The following SH3RF3 variants were observed in gnomAD, a reference collection of about 807,000 sequenced individuals.
SH3RF3 encodes E3 ubiquitin-protein ligase SH3RF3.
SH3RF3 carries 29 observed loss-of-function variants against 66.3 expected under a neutral mutation model. That is an observed-to-expected ratio of 0.44 (90% CI 0.33 to 0.60). SH3RF3 has a LOEUF of 0.60. Ranked by LOEUF, SH3RF3 falls within the 20% of genes least tolerant of loss-of-function variation. SH3RF3 has a pLI of 0.04. For synonymous variants in SH3RF3, 583 were observed against 532.0 expected, an observed-to-expected ratio of 1.10 and a Z score of -1.32; for missense variants, 1,194 against 1,190.9, an observed-to-expected ratio of 1.00 and a Z score of -0.04.
chr2:109,437,574 C>T (rs563932525), intron 7 of SH3RF3, among the ~76,000 whole-genome samples: 8 of 152,332 alleles, frequency 5.3e-5, no homozygotes, highest in East Asian at 1.9e-4. Flanking sequence ...TTCCATCTGC[C>T]GGGCCCTGCA....
At chr2:109,320,610 G>C (rs1681999688) in intron 1 of SH3RF3, among the ~76,000 whole-genome samples, 1 of 152,146 alleles carries the variant, frequency 6.6e-6, no homozygotes, top group African/African-American at 2.4e-5. Context: ...CTGCTTACTA[G>C]GTCACCAAAA....
chr2:109,182,534 A>T (rs771245943), intron 1 of SH3RF3, among the ~76,000 whole-genome samples: 1 of 152,174 alleles, frequency 6.6e-6, no homozygotes, highest in Non-Finnish European at 1.5e-5. Flanking sequence ...TTCTTCCTGG[A>T]TGTGCTTGGG....
At position 109,341,606 on chromosome 2, in the gene SH3RF3, C is replaced by T. The variant is rs189108700; in HGVS notation, c.574-6068C>T. Among the ~76,000 whole-genome samples the T allele has an allele frequency of 1.7e-3, 266 of 152,290 alleles. 1 individual carries two copies. The highest frequency in any genetic ancestry group is 5.3e-3 in the African/African-American group (221 of 41,578). Reference sequence around the variant, plus strand: ...GTTGGCTCAGATAAGATCAAGTTTCCTTTTTCTTACTTCATGGTATGGGGG... The same window carrying T: ...GTTGGCTCAGATAAGATCAAGTTTCTTTTTTCTTACTTCATGGTATGGGGG... On this transcript the variant is annotated intron_variant, in intron 1 of 9. Transcript: ENST00000309415.
intron 7 of SH3RF3, 37 bp downstream of exon 7, chr2:109,437,183 C>T: frequency 6.4e-7 from 1 of 1,572,282 alleles, no homozygotes; most frequent in East Asian, 2.3e-5. Context: ...AGGGCATCAA[C>T]AAGGGGGCTT....
chr2:109,335,825 A>T (rs1300824368), intron 1 of SH3RF3, among the ~76,000 whole-genome samples: 1 of 152,216 alleles, frequency 6.6e-6, no homozygotes, highest in African/African-American at 2.4e-5. Flanking sequence ...TGTAGAGAGG[A>T]TAAGAATGAA....
intron 1 of SH3RF3, among the ~76,000 whole-genome samples, chr2:109,325,379 T>G (rs1682130228): frequency 7.6e-6 from 1 of 131,706 alleles, no homozygotes; most frequent in Non-Finnish European, 1.6e-5. Flanking sequence ...TCTTGCTCTG[T>G]CACTCAGGCT....
At chr2:109,393,655 G>A (rs1254262645) in intron 3 of SH3RF3, among the ~76,000 whole-genome samples, 2 of 152,056 alleles carry the variant, frequency 1.3e-5, no homozygotes, top group East Asian at 3.9e-4. Context: ...CCACCAAGAT[G>A]TGGGTTTCAG....
chr2:109,333,270 C>T (rs566141811), intron 1 of SH3RF3, among the ~76,000 whole-genome samples: 117 of 152,216 alleles, frequency 7.7e-4, no homozygotes, highest in Non-Finnish European at 1.2e-3. Flanking sequence ...TGATTAGTTT[C>T]GCCTTTTAAA....
chr2:109,475,134 C>T (rs551506644), intron 8 of SH3RF3, among the ~76,000 whole-genome samples: 86 of 152,248 alleles, frequency 5.6e-4, no homozygotes, highest in African/African-American at 1.8e-3. Flanking sequence ...CGCACCACCA[C>T]GCCCAGCTAA....
At chr2:109,496,790 G>A (rs1236569191) in intron 9 of SH3RF3, among the ~76,000 whole-genome samples, 1 of 151,968 alleles carries the variant, frequency 6.6e-6, no homozygotes, top group African/African-American at 2.4e-5. Flanking sequence ...AGAGAAATCA[G>A]GTTGCAGATG....
chr2:109,384,763 C>T (rs959694323), intron 3 of SH3RF3, among the ~76,000 whole-genome samples: 4 of 152,080 alleles, frequency 2.6e-5, no homozygotes, highest in African/African-American at 9.7e-5. Context: ...CTAAAAGTTT[C>T]GAGCTCTGGT....
chr2:109,281,749 C>T (rs543986758), intron 1 of SH3RF3, among the ~76,000 whole-genome samples: 2 of 152,196 alleles, frequency 1.3e-5, no homozygotes, highest in African/African-American at 4.8e-5. Context: ...TGGGTGCAGG[C>T]CCAGAGAGCA....
chr2:109,321,143 T>C (rs115771011), intron 1 of SH3RF3, among the ~76,000 whole-genome samples: 1 of 152,370 alleles, frequency 6.6e-6, no homozygotes, highest in African/African-American at 2.4e-5. Context: ...CAAGACGCCA[T>C]GTGCATGGAT....
chr2:109,199,340 G>C, intron 1 of SH3RF3, among the ~76,000 whole-genome samples: 11 of 472 alleles, frequency 0.023, no homozygotes, highest in African/African-American at 0.061. Context: ...AAATGGAATG[G>C]AATGGAATGG....
intron 7 of SH3RF3, among the ~76,000 whole-genome samples, chr2:109,445,030 G>A (rs984874259): frequency 6.6e-6 from 1 of 152,034 alleles, no homozygotes; most frequent in Non-Finnish European, 1.5e-5. Flanking sequence ...ATTTTGGAGA[G>A]GAAAAATATA....
At chr2:109,286,136 G>A (rs758912408) in intron 1 of SH3RF3, among the ~76,000 whole-genome samples, 2 of 152,164 alleles carry the variant, frequency 1.3e-5, no homozygotes, top group Admixed American at 6.5e-5. Flanking sequence ...CTGGTGCTTT[G>A]TACCTGTGGA....
intron 4 of SH3RF3, among the ~76,000 whole-genome samples, chr2:109,417,294 A>G (rs982605786): frequency 3.9e-5 from 6 of 151,982 alleles, no homozygotes; most frequent in African/African-American, 1.4e-4. Flanking sequence ...CTACACCTCC[A>G]TGGATGGTGA....
At chr2:109,395,449 G>C (rs1295095038) in intron 3 of SH3RF3, among the ~76,000 whole-genome samples, 1 of 152,200 alleles carries the variant, frequency 6.6e-6, no homozygotes, top group African/African-American at 2.4e-5. Flanking sequence ...CTGCTGCAGG[G>C]ATGCTGGGGA....
rs1359299765 is a variant in SH3RF3 at position 109,196,465 on chromosome 2, G to C, written c.573+66352G>C. ...TCCTCCATCCTGGGCAGCCCTGCAA[G>C]GGAGGACACAGGTGACTCCCTTCCA... On this transcript the variant is annotated intron_variant, in intron 1 of 9. Coordinates refer to ENST00000309415, the MANE Select transcript of SH3RF3 (RefSeq NM_001099289.3). 3.3e-5 allele frequency among the ~76,000 whole-genome samples: 5 copies of C among 152,216 alleles called. No individual in the cohort carries two copies. The South Asian group carries it at 8.3e-4, about 25-fold the overall frequency.
Sources: allele counts gnomAD v4.1 joint callset (sites outside exome capture counted in the v4.1 genomes callset), GRCh38; gene constraint gnomAD v4.1.1; transcripts MANE v1.5; gene names NCBI Gene and HGNC (gene_info 2026-07-23, HGNC 2026-07-21).